The following MINDY2 variants were observed in gnomAD, a reference collection of about 807,000 sequenced individuals.
MINDY2 encodes the protein MINDY lysine 48 deubiquitinase 2.
A neutral mutation model predicts 68.2 loss-of-function variants in MINDY2; 52 were observed. The observed-to-expected ratio is 0.76, with a 90% confidence interval of 0.61 to 0.96. The LOEUF is 0.96. Ranked by LOEUF, MINDY2 falls within the 40% of genes least tolerant of loss-of-function variation. MINDY2 has a pLI of 0.00. For synonymous variants in MINDY2, 372 were observed against 303.0 expected, an observed-to-expected ratio of 1.23 and a Z score of -2.36; for missense variants, 881 against 773.4, an observed-to-expected ratio of 1.14 and a Z score of -1.65.
chr15:58,775,788 TG>T (rs1217404456), intron 1 of MINDY2, among the ~76,000 whole-genome samples: 1 of 151,722 alleles, frequency 6.6e-6, no homozygotes, highest in East Asian at 1.9e-4. Flanking sequence ...AAATGTCCAG[TG>T]GGGGGCATAA....
intron 3 of MINDY2, among the ~76,000 whole-genome samples, chr15:58,805,966 CG>C (rs1482181453): frequency 6.6e-6 from 1 of 152,150 alleles, no homozygotes; most frequent in African/African-American, 2.4e-5. Context: ...CCCAGCTACT[CG>C]AGAGGCTGAG....
intron 1 of MINDY2, among the ~76,000 whole-genome samples, chr15:58,776,985 G>C (rs1900813137): frequency 6.6e-6 from 1 of 152,164 alleles, no homozygotes; most frequent in Non-Finnish European, 1.5e-5. Context: ...AATTAAGATT[G>C]TAAAGCATTT....
At chr15:58,837,560 C>G (rs2032054767) in intron 6 of MINDY2, among the ~76,000 whole-genome samples, 1 of 148,712 alleles carries the variant, frequency 6.7e-6, no homozygotes, top group African/African-American at 2.5e-5. Flanking sequence ...AAAAAGGAAA[C>G]CTTTTTTAAA....
At chr15:58,839,691 G>A (rs2032183742) in intron 6 of MINDY2, among the ~76,000 whole-genome samples, 1 of 152,108 alleles carries the variant, frequency 6.6e-6, no homozygotes, top group South Asian at 2.1e-4. Context: ...GGACCACTAG[G>A]TGGTGTTTCA....
intron 5 of MINDY2, among the ~76,000 whole-genome samples, chr15:58,830,975 T>C (rs1595760718): frequency 6.6e-6 from 1 of 151,300 alleles, no homozygotes; most frequent in African/African-American, 2.4e-5. Flanking sequence ...CTTGTAGATA[T>C]GAACTTGCAA....
intron 2 of MINDY2, among the ~76,000 whole-genome samples, chr15:58,792,359 G>A (rs1244383327): frequency 1.3e-5 from 2 of 152,232 alleles, no homozygotes; most frequent in Admixed American, 1.3e-4. Flanking sequence ...TGTAATCCCA[G>A]CATTTTGGGA....
At chr15:58,774,965 T>C (rs1900688427) in intron 1 of MINDY2, among the ~76,000 whole-genome samples, 1 of 152,214 alleles carries the variant, frequency 6.6e-6, no homozygotes, top group South Asian at 2.1e-4. Flanking sequence ...AGCCTGTTGA[T>C]GCCCACAAAA....
Position 58,856,713 on chromosome 15 carries a change from C to G in MINDY2, c.*2103C>G, listed in dbSNP as rs1242698360. ...ACTCTGTTGGCTGAAGGAGGTAACT[C>G]AAACCTCAGGGTTTGTTTTTCCCGG... On this transcript the variant is annotated 3_prime_UTR_variant, in exon 9 of 9. Coordinates refer to ENST00000559228, the MANE Select transcript of MINDY2 (RefSeq NM_001040450.3). 1 of 152,186 alleles carries G rather than the reference C, an allele frequency of 6.6e-6. No individual in the cohort carries two copies. Among genetic ancestry groups the G allele is most frequent in the African/African-American group, 2.4e-5 (1 of 41,422 alleles). 9.4% of individuals were successfully genotyped at this position (152,186 alleles called of 1,614,324 possible).
intron 4 of MINDY2, among the ~76,000 whole-genome samples, chr15:58,820,218 A>G (rs190633070): frequency 8.7e-4 from 132 of 151,790 alleles, no homozygotes; most frequent in African/African-American, 3.1e-3. Flanking sequence ...GTGAGCCAAG[A>G]CTGTGTCAGT....
intron 2 of MINDY2, among the ~76,000 whole-genome samples, chr15:58,789,490 T>C (rs1180083910): frequency 6.6e-6 from 1 of 151,760 alleles, no homozygotes; most frequent in Non-Finnish European, 1.5e-5. Flanking sequence ...AGAGTCTTAC[T>C]CTATTGCCCA....
chr15:58,831,224 C>T (rs1267117200), intron 5 of MINDY2, among the ~76,000 whole-genome samples: 1 of 151,962 alleles, frequency 6.6e-6, no homozygotes, highest in Non-Finnish European at 1.5e-5. Flanking sequence ...CATCATTTAT[C>T]CCACGGCTTT....
At position 58,813,687 on chromosome 15, in the gene MINDY2, C is replaced by T. The variant is rs141253800; in HGVS notation, c.1122+3299C>T. Among the ~76,000 whole-genome samples, 118 of 151,368 alleles carry T rather than the reference C, an allele frequency of 7.8e-4. 2 individuals carry two copies. Among genetic ancestry groups the T allele is most frequent in the African/African-American group, 2.7e-3 (113 of 41,240 alleles). On this transcript the variant is annotated intron_variant, in intron 4 of 8. Coordinates refer to ENST00000559228, the MANE Select transcript of MINDY2 (RefSeq NM_001040450.3). ...TCCTGGGCTCAAGTGATCCTCTTGC[C>T]GCAGCCTCCCAAGTAGCTGGGACTA...
chr15:58,834,822 A>G (rs1167168976), intron 6 of MINDY2, among the ~76,000 whole-genome samples: 2 of 152,220 alleles, frequency 1.3e-5, no homozygotes, highest in African/African-American at 4.8e-5. Context: ...TTGCTTATGT[A>G]AGAATACCCT....
intron 6 of MINDY2, among the ~76,000 whole-genome samples, chr15:58,839,761 TTC>T (rs1192637825): frequency 3.9e-5 from 6 of 152,162 alleles, no homozygotes; most frequent in South Asian, 2.1e-4. Context: ...GGACAAAGTA[TTC>T]TCTGTTTATT....
At chr15:58,775,610 C>T (rs1428738051) in intron 1 of MINDY2, among the ~76,000 whole-genome samples, 2 of 152,044 alleles carry the variant, frequency 1.3e-5, no homozygotes, top group Non-Finnish European at 2.9e-5. Context: ...ATGTAGCGTT[C>T]CCAATGATGA....
At chr15:58,826,530 C>G (rs76924300) in intron 5 of MINDY2, among the ~76,000 whole-genome samples, 3,818 of 152,086 alleles carry the variant, frequency 0.025, 175 homozygotes, top group African/African-American at 0.085. Flanking sequence ...CACCTGGCCC[C>G]ACACACTCTT....
At chr15:58,798,393 G>A (rs1902423848) in intron 2 of MINDY2, among the ~76,000 whole-genome samples, 1 of 151,606 alleles carries the variant, frequency 6.6e-6, no homozygotes, top group Admixed American at 6.6e-5. Flanking sequence ...TCAAAGTGCT[G>A]GGACTACAGG....
intron 1 of MINDY2, among the ~76,000 whole-genome samples, chr15:58,784,756 A>G (rs773600015): frequency 1.3e-5 from 2 of 151,514 alleles, no homozygotes; most frequent in Non-Finnish European, 2.9e-5. Flanking sequence ...AATAGCTGGA[A>G]CTACAGGCAC....
At chr15:58,815,032 A>G (rs1328689031) in intron 4 of MINDY2, among the ~76,000 whole-genome samples, 1 of 152,132 alleles carries the variant, frequency 6.6e-6, no homozygotes, top group African/African-American at 2.4e-5. Context: ...CCAAAAATCA[A>G]GAAGATTTAG....
Sources: gnomAD v4.1 joint callset for allele counts (sites outside exome capture counted in the v4.1 genomes callset) on GRCh38, gnomAD v4.1.1 for gene constraint, MANE v1.5 for transcripts, NCBI Gene and HGNC (gene_info 2026-07-23, HGNC 2026-07-21) for gene names.